CRLF2: variants seen among roughly 807,000 people sequenced by gnomAD.
CRLF2 encodes cytokine receptor-like factor 2.
In CRLF2, 41 loss-of-function variants were observed where a neutral mutation model predicts 38.7. That is an observed-to-expected ratio of 1.06 (90% CI 0.83 to 1.37). The LOEUF (loss-of-function observed/expected upper bound fraction) is 1.37, where lower values mean the gene tolerates loss of function less well. Among genes scored for constraint, CRLF2 ranks in the 40% most tolerant of loss-of-function variants. CRLF2 has a pLI of 0.00. For synonymous variants in CRLF2, 140 were observed against 128.8 expected (o/e 1.09, Z -0.59); for missense variants, 377 against 322.2 (o/e 1.17, Z -1.30).
chrX:1,193,781 CAAAAAAAAAAAAAAA>C (rs1176813644), intron 6 of CRLF2, among the ~76,000 whole-genome samples: 1 of 58,990 alleles, frequency 1.7e-5, no homozygotes, highest in Non-Finnish European at 2.8e-5. Flanking sequence ...GACTCCATCT[CAAAAAAAAAAAAAAA>C]AAAAAAATAC....
At chrX:1,206,284 G>A in intron 3 of CRLF2, 149 bp downstream of exon 3, 1 of 693,930 alleles carries the variant, frequency 1.4e-6, no homozygotes, top group Non-Finnish European at 2.6e-6. Context: ...TAAGCTGCAG[G>A]AAGTACTGAA....
chrX:1,195,907 TTA>T (rs1384569191), intron 6 of CRLF2, among the ~76,000 whole-genome samples: 4 of 141,382 alleles, frequency 2.8e-5, no homozygotes, highest in African/African-American at 1.0e-4. Context: ...AAATATGTAT[TTA>T]TATATTTTTA....
At chrX:1,192,984 T>G (rs2147820602) in intron 7 of CRLF2, among the ~76,000 whole-genome samples, 1 of 151,672 alleles carries the variant, frequency 6.6e-6, no homozygotes, top group East Asian at 2.0e-4. Flanking sequence ...CGGCTAATCC[T>G]TGTATTTTTA....
rs2086377399 is a variant in CRLF2 at position 1,191,361 on chromosome X, C to CCTTTCTTTCTTTCTTTCTTTCTTT, written c.853-202_853-201insAAAGAAAGAAAGAAAGAAAGAAAG. On this transcript the variant is annotated intron_variant, in intron 7 of 7. Coordinates refer to ENST00000400841, the MANE Select transcript of CRLF2 (RefSeq NM_022148.4). The stretch of plus-strand genomic sequence containing the variant: ...TCTTTCTTTCCTTCTTTCTTTCTTT[C>CCTTTCTTTCTTTCTTTCTTTCTTT]CTTTCTTTCTCTTTCTTTCTTTCTC... 4.6e-4 allele frequency among the ~76,000 whole-genome samples: 34 copies of CCTTTCTTTCTTTCTTTCTTTCTTT among 73,194 alleles called. 1 individual carries two copies. Among genetic ancestry groups the CCTTTCTTTCTTTCTTTCTTTCTTT allele is most frequent in the African/African-American group, 1.8e-3 (34 of 18,922 alleles). The allele number at this position is 73,194 out of a possible 152,430, so 48.0% of individuals were successfully genotyped here. A position where few individuals can be genotyped will look rare whatever the true frequency, so the allele number is the denominator to read the frequency against.
At chrX:1,203,429 C>A (rs1242394855) in intron 3 of CRLF2, among the ~76,000 whole-genome samples, 1 of 151,896 alleles carries the variant, frequency 6.6e-6, no homozygotes, top group Non-Finnish European at 1.5e-5. Context: ...AAACATCTGT[C>A]CACATCCTAA....
At chrX:1,195,690 G>A (rs2086460781) in intron 6 of CRLF2, among the ~76,000 whole-genome samples, 1 of 145,842 alleles carries the variant, frequency 6.9e-6, no homozygotes, top group South Asian at 2.1e-4. Context: ...CGGTTCTCCT[G>A]CCTCAGCCTC....
At chrX:1,196,960 C>A (rs1268560023) in intron 5 of CRLF2, 60 bp from the exon 6 acceptor site, 6 of 1,518,148 alleles carry the variant, frequency 4.0e-6, no homozygotes, top group Non-Finnish European at 5.4e-6. Flanking sequence ...TGTACGTTTT[C>A]AACGTGATGT....
At chrX:1,198,902 G>T (rs9785568) in intron 4 of CRLF2, 178 bp from the exon 5 acceptor site, 8 of 652,968 alleles carry the variant, frequency 1.2e-5, no homozygotes, top group Non-Finnish European at 2.1e-5. Context: ...TAAACCCAAC[G>T]CTTTGGGAGG....
At chrX:1,199,503 G>C (rs1455362271) in intron 4 of CRLF2, among the ~76,000 whole-genome samples, 1 of 151,968 alleles carries the variant, frequency 6.6e-6, no homozygotes, top group Admixed American at 6.6e-5. Context: ...GTTTCACCAC[G>C]TTGGCCAGGC....
At position 1,208,679 on chromosome X, in the gene CRLF2, C is replaced by G. The variant is rs2086733553; in HGVS notation, c.182+127G>C. The G allele has an allele frequency of 5.9e-6, 4 of 676,338 alleles. No individual in the cohort carries two copies. In the East Asian group the frequency reaches 7.7e-5, roughly 13 times the overall value. The allele number at this position is 676,338 out of a possible 1,614,324, so 41.9% of individuals were successfully genotyped here. A position where few individuals can be genotyped will look rare whatever the true frequency, so the allele number is the denominator to read the frequency against. Reference sequence around the variant, plus strand: ...GGTGAGGGCTGAGGGTTTCACAGAACAAACATTCCGGCTTGCACAGTCTGA... The same window carrying G: ...GGTGAGGGCTGAGGGTTTCACAGAAGAAACATTCCGGCTTGCACAGTCTGA... On this transcript the variant is annotated intron_variant, in intron 2 of 7. Coordinates refer to ENST00000400841, the MANE Select transcript of CRLF2 (RefSeq NM_022148.4).
At chrX:1,194,774 G>C (rs1157826635) in intron 6 of CRLF2, among the ~76,000 whole-genome samples, 5 of 152,126 alleles carry the variant, frequency 3.3e-5, no homozygotes, top group African/African-American at 1.2e-4. Context: ...GCTCACGCCT[G>C]TCATCCCAGC....
At chrX:1,200,710 G>A (rs1171131728) in intron 4 of CRLF2, among the ~76,000 whole-genome samples, 7 of 43,222 alleles carry the variant, frequency 1.6e-4, no homozygotes, top group African/African-American at 4.8e-4. Flanking sequence ...GTGTATATAA[G>A]ATGTGTATAT....
chrX:1,192,211 A>AAAC (rs1556416118), intron 7 of CRLF2, among the ~76,000 whole-genome samples: 1 of 140,022 alleles, frequency 7.1e-6, no homozygotes, highest in Non-Finnish European at 1.6e-5. Context: ...TCTCAAAAAA[A>AAAC]AAAAAAAAAC....
intron 5 of CRLF2, among the ~76,000 whole-genome samples, chrX:1,197,857 C>CAGG (rs1311290520): frequency 6.6e-6 from 1 of 151,360 alleles, no homozygotes; most frequent in Admixed American, 6.6e-5. Context: ...AAGATTTAAT[C>CAGG]AGGTGTGGTG....
intron 3 of CRLF2, 78 bp from the exon 4 acceptor site, chrX:1,202,613 T>A: frequency 6.5e-7 from 1 of 1,542,120 alleles, no homozygotes; most frequent in Non-Finnish European, 8.9e-7. Flanking sequence ...CCCCTTTCTC[T>A]AGCCTGTACC....
intron 7 of CRLF2, 64 bp from the exon 8 acceptor site, chrX:1,191,224 C>T (rs1295925925): frequency 4.8e-5 from 19 of 398,674 alleles, no homozygotes; most frequent in South Asian, 1.3e-4. Context: ...CCTGAGCATC[C>T]GTACAGACGG....
chrX:1,200,941 G>A (rs2086594952), intron 4 of CRLF2, among the ~76,000 whole-genome samples: 1 of 151,882 alleles, frequency 6.6e-6, no homozygotes, highest in African/African-American at 2.4e-5. Flanking sequence ...GAAATGCATT[G>A]TGAGGTGATT....
At chrX:1,212,252 GACAC>G (rs2086816112) in intron 1 of CRLF2, among the ~76,000 whole-genome samples, 1 of 151,300 alleles carries the variant, frequency 6.6e-6, no homozygotes. Flanking sequence ...TCAATAGATA[GACAC>G]ACACACGCAC....
intron 6 of CRLF2, 111 bp from the exon 7 acceptor site, chrX:1,193,413 G>A (rs1219360796): frequency 4.5e-4 from 180 of 397,012 alleles, no homozygotes; most frequent in African/African-American, 3.1e-3. Context: ...ATGGCAGAGC[G>A]GGGCCTTCCA....
Sources: gnomAD v4.1 joint callset for allele counts (sites outside exome capture counted in the v4.1 genomes callset) on GRCh38, gnomAD v4.1.1 for gene constraint, MANE v1.5 for transcripts, NCBI Gene and HGNC (gene_info 2026-07-23, HGNC 2026-07-21) for gene names.